Variants in THADA observed in about 807,000 individuals in gnomAD.
The protein encoded by THADA is tRNA (32-2'-O)-methyltransferase regulator THADA.
Under a neutral mutation model 219.8 loss-of-function variants are expected in THADA, and 213 were observed. The observed-to-expected ratio is 0.97, with a 90% confidence interval of 0.87 to 1.09. The LOEUF (loss-of-function observed/expected upper bound fraction) is 1.09. Among genes scored for constraint, THADA ranks in the 50% least tolerant of loss-of-function variants. The pLI is 0.00. For missense variants in THADA, 2,956 were observed against 2,311.3 expected (o/e 1.28, Z -5.72); for synonymous variants, 1,018 against 828.9 (o/e 1.23, Z -3.92).
intron 21 of THADA, among the ~76,000 whole-genome samples, chr2:43,540,008 C>A (rs1208000251): frequency 6.6e-6 from 1 of 152,040 alleles, no homozygotes; most frequent in Non-Finnish European, 1.5e-5. Flanking sequence ...CCCAACAAAC[C>A]CAAAAAACTA....
intron 30 of THADA, among the ~76,000 whole-genome samples, chr2:43,325,599 G>C (rs1679229689): frequency 6.6e-6 from 1 of 151,980 alleles, no homozygotes; most frequent in Admixed American, 6.6e-5. Flanking sequence ...GATGGGGGCA[G>C]AAGAAGAAGG....
chr2:43,466,231 C>T (rs72881070), intron 26 of THADA, among the ~76,000 whole-genome samples: 4,111 of 152,278 alleles, frequency 0.027, 110 homozygotes, highest in African/African-American at 0.074. Flanking sequence ...GTCAATGCTA[C>T]GACTGGAGAA....
At chr2:43,330,464 G>A (rs1422806317) in intron 30 of THADA, among the ~76,000 whole-genome samples, 9 of 152,132 alleles carry the variant, frequency 5.9e-5, no homozygotes, top group African/African-American at 1.9e-4. Context: ...GGAGGTGGCC[G>A]AAACCCCAGC....
At chr2:43,581,335 G>A (rs1439073648) in intron 8 of THADA, among the ~76,000 whole-genome samples, 3 of 152,036 alleles carry the variant, frequency 2.0e-5, no homozygotes, top group African/African-American at 7.2e-5. Context: ...TTCCAGAACA[G>A]CCTGGCCAAC....
intron 22 of THADA, among the ~76,000 whole-genome samples, chr2:43,520,232 C>G (rs1267409011): frequency 6.6e-6 from 1 of 152,180 alleles, no homozygotes; most frequent in Non-Finnish European, 1.5e-5. Context: ...AATAAGCAGA[C>G]AGCCTCTTGT....
intron 26 of THADA, among the ~76,000 whole-genome samples, chr2:43,457,546 T>C (rs1479350971): frequency 6.6e-6 from 1 of 152,120 alleles, no homozygotes; most frequent in Non-Finnish European, 1.5e-5. Flanking sequence ...AAAGACTAAA[T>C]AAAAACAATG....
chr2:43,581,969 A>G lies in THADA; in HGVS notation c.534-41T>C, dbSNP rs764115616. 9 of 1,419,708 alleles carry G rather than the reference A, an allele frequency of 6.3e-6. No homozygotes were observed. The Middle Eastern group carries it at 1.1e-3, about 178-fold the overall frequency. The allele number at this position is 1,419,708 out of a possible 1,614,324, so 87.9% of individuals were successfully genotyped here. ...GACATTATTACAAAAGGAAATTCAA[A>G]CAAAAGTGTGAACATTTCTAATTAT... is the stretch of plus-strand genomic sequence containing the variant. On this transcript the variant is annotated intron_variant, in intron 7 of 37. Coordinates refer to ENST00000405975, the MANE Select transcript of THADA (RefSeq NM_022065.5).
intron 20 of THADA, 73 bp from the exon 21 acceptor site, chr2:43,541,389 C>A (rs185925636): frequency 7.7e-6 from 12 of 1,552,908 alleles, no homozygotes; most frequent in African/African-American, 4.1e-5. Context: ...CAAGCTTATT[C>A]ATAATTTCCC....
At chr2:43,239,801 A>G (rs1668429584) in intron 36 of THADA, among the ~76,000 whole-genome samples, 1 of 152,198 alleles carries the variant, frequency 6.6e-6, no homozygotes, top group African/African-American at 2.4e-5. Flanking sequence ...CCTCAGCTTT[A>G]GGGGACTGGC....
chr2:43,296,110 G>A (rs553884735), intron 31 of THADA, among the ~76,000 whole-genome samples: 7 of 152,018 alleles, frequency 4.6e-5, no homozygotes, highest in East Asian at 3.9e-4. Context: ...AGTAGAGACA[G>A]GGTTTTGCCA....
Position 43,574,240 on chromosome 2 carries a change from T to G in THADA, c.1729+96A>C, listed in dbSNP as rs1699596829. On this transcript the variant is annotated intron_variant, in intron 11 of 37. Transcript: ENST00000405975. ...TCTCTTCCTTTACTATTTATAGAAG[T>G]GATATTTAAATTTGAATATGATTAG... 4.8e-6 allele frequency: 4 copies of G among 829,540 alleles called. No individual in the cohort carries two copies. In the East Asian group the frequency reaches 8.1e-5, roughly 17 times the overall value. 51.4% of individuals were successfully genotyped at this position (829,540 alleles called of 1,614,324 possible). A position where few individuals can be genotyped will look rare whatever the true frequency, so the allele number is the denominator to read the frequency against.
intron 20 of THADA, among the ~76,000 whole-genome samples, chr2:43,543,701 G>A (rs1200797059): frequency 2.0e-5 from 3 of 152,134 alleles, no homozygotes; most frequent in African/African-American, 7.2e-5. Context: ...CATGTCCTTT[G>A]CCCACTTTTT....
rs181621485 is a variant in THADA at position 43,570,485 on chromosome 2, G to C, written c.2090C>G (p.Ser697Cys). ...KKLFCRIQESSQVLYKLEQSK... is the reference protein window; with the variant it reads ...KKLFCRIQESCQVLYKLEQSK... ...CTGCTCCAATTTATAAAGTACCTGA[G>C]AACTTTCCTGTATCCTACAAAACAA... The change falls in exon 14 of 38, where the codon TCT becomes TGT. Residue 697 changes from serine (S) to cysteine (C), a missense_variant. Coordinates refer to ENST00000405975, the MANE Select transcript of THADA (RefSeq NM_022065.5). 1.9e-6 allele frequency: 3 copies of C among 1,611,984 alleles called. No homozygotes were observed. The highest frequency in any genetic ancestry group is 2.7e-5 in the African/African-American group (2 of 74,946).
At chr2:43,453,326 C>G (rs892728455) in intron 26 of THADA, among the ~76,000 whole-genome samples, 1 of 152,180 alleles carries the variant, frequency 6.6e-6, no homozygotes, top group African/African-American at 2.4e-5. Context: ...TGAAGAACTG[C>G]CTGGAAGTAC....
At position 43,541,249 on chromosome 2, in the gene THADA, CT is replaced by C; in HGVS notation, c.3173del (p.Lys1058ArgfsTer7). On this transcript the variant is annotated frameshift_variant, in exon 21 of 38. Transcript: ENST00000405975. LOFTEE classifies it high-confidence loss of function. ...MVLVCCWRSM[K>X]EVALLLGMLC... ...ACATGCCTAAAAGTAAAGCAACTTC[CT>C]TCATACTTCTCCAACAACATACCAG... 2.5e-6 allele frequency: 4 copies of C among 1,612,718 alleles called. No individual in the cohort carries two copies. The highest frequency in any genetic ancestry group is 2.5e-6 in the Non-Finnish European group (3 of 1,179,378).
intron 25 of THADA, among the ~76,000 whole-genome samples, chr2:43,488,779 T>A (rs1009176971): frequency 5.9e-5 from 9 of 152,204 alleles, no homozygotes; most frequent in African/African-American, 2.2e-4. Context: ...TTTCATAGTC[T>A]CACTGGCAAT....
intron 22 of THADA, among the ~76,000 whole-genome samples, chr2:43,517,088 A>G (rs1691818276): frequency 1.3e-5 from 2 of 152,128 alleles, no homozygotes; most frequent in Admixed American, 1.3e-4. Context: ...GAACTGGGTG[A>G]CATGAATAGA....
intron 31 of THADA, among the ~76,000 whole-genome samples, chr2:43,303,457 A>G (rs953098972): frequency 9.9e-5 from 15 of 152,268 alleles, no homozygotes; most frequent in African/African-American, 3.6e-4. Context: ...GTCCTGTTCT[A>G]TTATTTAGGG....
At chr2:43,378,438 A>C (rs1029552245) in intron 29 of THADA, among the ~76,000 whole-genome samples, 4 of 152,234 alleles carry the variant, frequency 2.6e-5, no homozygotes, top group African/African-American at 9.6e-5. Context: ...TCTTGAGTAT[A>C]GTTAATATAA....
Sources: allele counts gnomAD v4.1 joint callset (sites outside exome capture counted in the v4.1 genomes callset), GRCh38; gene constraint gnomAD v4.1.1; transcripts MANE v1.5; gene names NCBI Gene and HGNC (gene_info 2026-07-23, HGNC 2026-07-21).